ST8SIA6: variants seen among roughly 807,000 people sequenced by gnomAD.
ST8SIA6 encodes ST8 alpha-N-acetyl-neuraminide alpha-2,8-sialyltransferase 6, also known as alpha-2,8-sialyltransferase 8F.
In ST8SIA6, 39 loss-of-function variants were observed where a neutral mutation model predicts 33.6. The observed-to-expected ratio is 1.16, with a 90% CI of 0.90 to 1.52. The LOEUF (loss-of-function observed/expected upper bound fraction) is 1.52. ST8SIA6 is among the 40% of genes most tolerant of loss of function. ST8SIA6 has a pLI of 0.00. For missense variants in ST8SIA6, 441 were observed against 443.8 expected (o/e 0.99, Z 0.06); for synonymous variants, 172 against 167.2 (o/e 1.03, Z -0.22).
At chr10:17,411,815 G>T (rs1271270938) in intron 2 of ST8SIA6, among the ~76,000 whole-genome samples, 1 of 152,114 alleles carries the variant, frequency 6.6e-6, no homozygotes, top group Non-Finnish European at 1.5e-5. Context: ...TGAAAAACTA[G>T]GCTTTGTGAG....
Position 17,349,234 on chromosome 10 carries a change from C to A in ST8SIA6, c.377+10280G>T, listed in dbSNP as rs542474110. On this transcript the variant is annotated intron_variant, in intron 4 of 7. Transcript: ENST00000377602. Reference sequence around the variant, plus strand: ...TCCTTACCAAGAACGTGGTATAATCCATATGAAATGATCACAAAAGCAAAA... The same window carrying A: ...TCCTTACCAAGAACGTGGTATAATCAATATGAAATGATCACAAAAGCAAAA... 2.6e-5 allele frequency among the ~76,000 whole-genome samples: 4 copies of A among 152,206 alleles called. No individual in the cohort carries two copies. The South Asian group carries it at 6.2e-4, about 24-fold the overall frequency.
At chr10:17,391,354 C>G (rs577739107) in intron 2 of ST8SIA6, among the ~76,000 whole-genome samples, 1 of 151,978 alleles carries the variant, frequency 6.6e-6, no homozygotes, top group African/African-American at 2.4e-5. Flanking sequence ...CTCCGCCTCC[C>G]GGGTTCACGC....
At chr10:17,325,231 T>C (rs1283011403) in intron 6 of ST8SIA6, among the ~76,000 whole-genome samples, 4 of 141,760 alleles carry the variant, frequency 2.8e-5, no homozygotes, top group Non-Finnish European at 6.1e-5. Flanking sequence ...TTATATAGTA[T>C]ATTATATAGT....
chr10:17,400,820 A>T (rs1386883862), intron 2 of ST8SIA6, among the ~76,000 whole-genome samples: 1 of 152,208 alleles, frequency 6.6e-6, no homozygotes, highest in African/African-American at 2.4e-5. Context: ...CACAGCCAAT[A>T]TCATACTGAA....
chr10:17,363,519 T>C (rs974028543), intron 3 of ST8SIA6, among the ~76,000 whole-genome samples: 38 of 152,232 alleles, frequency 2.5e-4, no homozygotes, highest in Non-Finnish European at 1.2e-4. Context: ...GGCTGACTCG[T>C]GGACTTGAGA....
chr10:17,373,710 G>A (rs932870485), intron 3 of ST8SIA6, among the ~76,000 whole-genome samples: 16 of 151,934 alleles, frequency 1.1e-4, no homozygotes, highest in African/African-American at 3.6e-4. Context: ...TATCTTTCCC[G>A]GTGCCACTTT....
intron 4 of ST8SIA6, among the ~76,000 whole-genome samples, chr10:17,341,347 G>A (rs890385585): frequency 5.3e-5 from 8 of 152,118 alleles, no homozygotes; most frequent in Admixed American, 1.3e-4. Flanking sequence ...AACTAATAAC[G>A]TCCCGGCTGG....
intron 3 of ST8SIA6, among the ~76,000 whole-genome samples, chr10:17,375,989 G>T (rs1484211409): frequency 6.6e-6 from 1 of 152,266 alleles, no homozygotes; most frequent in South Asian, 2.1e-4. Flanking sequence ...ACTGATTGGT[G>T]CTCCCTTTCT....
In ST8SIA6 at chr10:17,430,090, C is replaced by T. The variant is rs182696377; in HGVS notation, c.200+23469G>A. Among the ~76,000 whole-genome samples, 18 of 152,234 alleles carry T rather than the reference C, an allele frequency of 1.2e-4. No homozygotes were observed. The East Asian group carries it at 2.7e-3, about 23-fold the overall frequency. Reference sequence around the variant, plus strand: ...CTGAGTCTCTAAAGACCATTATATGCACCCTGTATGCCTCTGCATACTCAT... The same window carrying T: ...CTGAGTCTCTAAAGACCATTATATGTACCCTGTATGCCTCTGCATACTCAT... On this transcript the variant is annotated intron_variant, in intron 2 of 7. Transcript: ENST00000377602.
At chr10:17,429,125 T>G (rs1473627151) in intron 2 of ST8SIA6, among the ~76,000 whole-genome samples, 8 of 151,924 alleles carry the variant, frequency 5.3e-5, no homozygotes, top group Admixed American at 5.3e-4. Flanking sequence ...CTAGTATTAG[T>G]AGATATATCT....
chr10:17,447,740 TACTA>T (rs1384796862), intron 2 of ST8SIA6, among the ~76,000 whole-genome samples: 1 of 152,088 alleles, frequency 6.6e-6, no homozygotes, highest in African/African-American at 2.4e-5. Flanking sequence ...AAATAATAAT[TACTA>T]ACTAAAAAGT....
At chr10:17,441,899 T>G (rs529647522) in intron 2 of ST8SIA6, among the ~76,000 whole-genome samples, 18 of 151,804 alleles carry the variant, frequency 1.2e-4, no homozygotes, top group African/African-American at 3.9e-4. Context: ...GATGGAGTCT[T>G]GCTCTGTCAC....
chr10:17,334,799 A>G (rs1848453689), intron 4 of ST8SIA6, among the ~76,000 whole-genome samples: 1 of 152,112 alleles, frequency 6.6e-6, no homozygotes, highest in Non-Finnish European at 1.5e-5. Context: ...TGGAATGTAG[A>G]CCTAGGAAGT....
chr10:17,367,877 T>G (rs1333974608), intron 3 of ST8SIA6, among the ~76,000 whole-genome samples: 1 of 152,164 alleles, frequency 6.6e-6, no homozygotes, highest in African/African-American at 2.4e-5. Flanking sequence ...AAACCATATA[T>G]GAGTGGCTAT....
At position 17,321,362 on chromosome 10, in the gene ST8SIA6, A is replaced by G. The variant is rs1047607641; in HGVS notation, c.729-16T>C. On this transcript the variant is annotated splice_polypyrimidine_tract_variant and intron_variant, in intron 7 of 7. Coordinates refer to ENST00000377602, the MANE Select transcript of ST8SIA6 (RefSeq NM_001004470.3). ...GTTCCCATATCTGCCAAATTAAAAAAAAATTATAGTAATCCCAAGAATAAT... is the reference window on the plus strand; with the variant it reads ...GTTCCCATATCTGCCAAATTAAAAAGAAATTATAGTAATCCCAAGAATAAT... 3 of 1,561,160 alleles carry G rather than the reference A, an allele frequency of 1.9e-6. No individual in the cohort carries two copies. The highest frequency in any genetic ancestry group is 2.8e-5 in the African/African-American group (2 of 72,092).
At chr10:17,327,236 C>A (rs45604243) in intron 5 of ST8SIA6, 110 bp from the exon 6 acceptor site, 15,179 of 767,790 alleles carry the variant, frequency 0.02, 207 homozygotes, top group African/African-American at 0.023. Context: ...GAGAAGAATA[C>A]GAACAAGAAA....
rs781439649 is a variant in ST8SIA6 at position 17,453,707 on chromosome 10, T to C, written c.102-50A>G. 4 of 1,243,398 alleles carry C rather than the reference T, an allele frequency of 3.2e-6. No homozygotes were observed. In the African/African-American group the frequency reaches 4.6e-5, roughly 14 times the overall value. 77.0% of individuals were successfully genotyped at this position (1,243,398 alleles called of 1,614,324 possible). A position where few individuals can be genotyped will look rare whatever the true frequency, so the allele number is the denominator to read the frequency against. On this transcript the variant is annotated intron_variant, in intron 1 of 7. Transcript: ENST00000377602. The stretch of plus-strand genomic sequence containing the variant: ...AGTTGCTACACCCCGCCGGGAGCTG[T>C]TGGCTGAAAGGCTGGGAGTCGCGCT...
chr10:17,431,508 A>G (rs1852100218), intron 2 of ST8SIA6, among the ~76,000 whole-genome samples: 1 of 152,160 alleles, frequency 6.6e-6, no homozygotes, highest in Non-Finnish European at 1.5e-5. Flanking sequence ...TCTGAAAAAT[A>G]TAGCCCGCCT....
intron 2 of ST8SIA6, among the ~76,000 whole-genome samples, chr10:17,435,468 C>T (rs559602522): frequency 6.6e-6 from 1 of 152,272 alleles, no homozygotes; most frequent in East Asian, 1.9e-4. Flanking sequence ...TTGGCTTCTC[C>T]TTTGGTAAAA....
Sources: allele counts gnomAD v4.1 joint callset (sites outside exome capture counted in the v4.1 genomes callset), GRCh38; gene constraint gnomAD v4.1.1; transcripts MANE v1.5; gene names NCBI Gene and HGNC (gene_info 2026-07-23, HGNC 2026-07-21).